The following BMP7 variants were observed in gnomAD, a reference collection of about 807,000 sequenced individuals.
The protein encoded by BMP7 is osteogenic protein 1.
BMP7 carries 12 observed loss-of-function variants against 41.2 expected under a neutral mutation model. The ratio of observed to expected loss-of-function variants is 0.29; its 90% CI spans 0.19 to 0.47. The LOEUF is 0.47. Among genes scored for constraint, BMP7 ranks in the 20% least tolerant of loss-of-function variants. The pLI, the probability that BMP7 is intolerant of heterozygous loss-of-function variation, is 0.99. For synonymous variants in BMP7, 248 were observed against 250.0 expected (o/e 0.99, Z 0.07); for missense variants, 467 against 606.0 (o/e 0.77, Z 2.41).
chr20:57,228,134 G>A lies in BMP7; in HGVS notation c.611+95C>T. On this transcript the variant is annotated intron_variant, in intron 2 of 6. Coordinates refer to ENST00000395863, the MANE Select transcript of BMP7 (RefSeq NM_001719.3). The surrounding 1 kb of genome is among the most constrained non-coding windows in gnomAD (Gnocchi z 4.5). ...CTGGTACAGGGCCTGGCACGTGGTT[G>A]TGCCAATCTGACCCATCCTCTGGCC... 7.2e-7 allele frequency: 1 copy of A among 1,380,956 alleles called. No homozygotes were observed. Among genetic ancestry groups the A allele is most frequent in the Middle Eastern group, 2.5e-4 (1 of 4,008 alleles). 85.5% of individuals were successfully genotyped at this position (1,380,956 alleles called of 1,614,324 possible).
At chr20:57,247,188 C>T (rs1240960420) in intron 1 of BMP7, among the ~76,000 whole-genome samples, 2 of 152,170 alleles carry the variant, frequency 1.3e-5, no homozygotes, top group African/African-American at 4.8e-5. Flanking sequence ...CCCTCTAGAC[C>T]CAACTGATTC....
At chr20:57,231,552 G>A (rs2066029539) in intron 1 of BMP7, among the ~76,000 whole-genome samples, 1 of 152,272 alleles carries the variant, frequency 6.6e-6, no homozygotes, top group South Asian at 2.1e-4. Flanking sequence ...ATGGCTTCTC[G>A]AGTGCTTTTC....
In BMP7 at chr20:57,173,280, C is replaced by T. The variant is rs749392235; in HGVS notation, c.1066G>A (p.Ala356Thr). The T allele has an allele frequency of 8.1e-6, 13 of 1,614,014 alleles. No individual in the cohort carries two copies. Among genetic ancestry groups the T allele is most frequent in the African/African-American group, 4.0e-5 (3 of 74,928 alleles). ...GCACACTCCCCCTCACAGTAGTAGGCGGCGTAGCCTTCAGGCGCGATGATC... is the reference window on the plus strand; with the variant it reads ...GCACACTCCCCCTCACAGTAGTAGGTGGCGTAGCCTTCAGGCGCGATGATC... ...DWIIAPEGYA[A>T]YYCEGECAFP... Residue 356 changes from alanine to threonine, a missense_variant, in exon 6 of 7, where the codon GCC becomes ACC. By Grantham distance (58) the Ala-to-Thr change is moderately conservative. This residue lies in a region of BMP7 where 60 missense variants were observed against 120.1 expected (regional missense o/e 0.50). Transcript: ENST00000395863.
intron 3 of BMP7, among the ~76,000 whole-genome samples, chr20:57,196,695 T>C (rs1228315045): frequency 2.6e-5 from 4 of 152,114 alleles, no homozygotes; most frequent in African/African-American, 9.7e-5. Flanking sequence ...ACATGAACTT[T>C]TAGTGTCTAA....
At chr20:57,210,015 G>C (rs1245878440) in intron 2 of BMP7, among the ~76,000 whole-genome samples, 1 of 152,172 alleles carries the variant, frequency 6.6e-6, no homozygotes, top group African/African-American at 2.4e-5. Context: ...AAAGGCAGCA[G>C]AGCCAGGGGA....
At chr20:57,192,974 C>T (rs1984408834) in intron 3 of BMP7, among the ~76,000 whole-genome samples, 1 of 152,124 alleles carries the variant, frequency 6.6e-6, no homozygotes, top group South Asian at 2.1e-4. Context: ...CTGCAGGCTG[C>T]AGCTGCCAGG....
intron 1 of BMP7, among the ~76,000 whole-genome samples, chr20:57,241,942 G>A (rs1600640326): frequency 6.6e-6 from 1 of 152,154 alleles, no homozygotes; most frequent in Non-Finnish European, 1.5e-5. Context: ...TGCCTAAAAA[G>A]ACCCAGATGC....
intron 3 of BMP7, among the ~76,000 whole-genome samples, chr20:57,185,514 G>T (rs1026888608): frequency 2.0e-5 from 3 of 152,242 alleles, no homozygotes; most frequent in Non-Finnish European, 2.9e-5. Flanking sequence ...GGGAAACTGA[G>T]GCAATGGAGC....
chr20:57,185,580 G>A (rs1984191158), intron 3 of BMP7, among the ~76,000 whole-genome samples: 1 of 152,242 alleles, frequency 6.6e-6, no homozygotes, highest in Admixed American at 6.5e-5. Flanking sequence ...AGCAGATATT[G>A]TATGAAATCC....
chr20:57,250,036 C>T (rs565816632), intron 1 of BMP7, among the ~76,000 whole-genome samples: 19 of 152,192 alleles, frequency 1.2e-4, no homozygotes, highest in African/African-American at 3.1e-4. Context: ...CAAAGCTCGG[C>T]GAGTAATTTG....
intron 4 of BMP7, among the ~76,000 whole-genome samples, chr20:57,178,539 G>A (rs545915113): frequency 5.9e-5 from 9 of 152,152 alleles, no homozygotes; most frequent in African/African-American, 1.9e-4. Context: ...GGAAGGTCAA[G>A]GTCAAGGAAC....
chr20:57,177,790 T>A (rs1983966975), intron 4 of BMP7: 1 of 152,198 alleles, frequency 6.6e-6, no homozygotes, highest in African/African-American at 2.4e-5. Flanking sequence ...TGCTGAAGGC[T>A]GGGGCGGGGC....
At chr20:57,233,167 C>T (rs2066035371) in intron 1 of BMP7, among the ~76,000 whole-genome samples, 1 of 152,116 alleles carries the variant, frequency 6.6e-6, no homozygotes, top group African/African-American at 2.4e-5. Flanking sequence ...GAGTTGACAT[C>T]TCCCCATGCC....
rs1441349199 is a variant in BMP7, at chr20:57,224,116, A to C, written c.611+4113T>G. On this transcript the variant is annotated intron_variant, in intron 2 of 6. Coordinates refer to ENST00000395863, the MANE Select transcript of BMP7 (RefSeq NM_001719.3). This position sits in a 1 kb window ranked among gnomAD's most constrained non-coding sequence, Gnocchi z 4.8. ...AAGAGCCTCTGCCTGGGCTGAAGGGACCCAGGAAACTGAGCCCAGGCCTCC... is the reference window on the plus strand; with the variant it reads ...AAGAGCCTCTGCCTGGGCTGAAGGGCCCCAGGAAACTGAGCCCAGGCCTCC... 1.3e-5 allele frequency among the ~76,000 whole-genome samples: 2 copies of C among 152,116 alleles called. No homozygotes were observed. The highest frequency in any genetic ancestry group is 2.9e-5 in the Non-Finnish European group (2 of 68,000).
chr20:57,179,681 T>G (rs554781046), intron 4 of BMP7, among the ~76,000 whole-genome samples: 173 of 152,298 alleles, frequency 1.1e-3, no homozygotes, highest in Non-Finnish European at 2.1e-3. Flanking sequence ...GGACGAGCGA[T>G]TCAAAGGGGC....
intron 2 of BMP7, among the ~76,000 whole-genome samples, chr20:57,205,654 T>G (rs1984713078): frequency 6.6e-6 from 1 of 152,096 alleles, no homozygotes; most frequent in African/African-American, 2.4e-5. Flanking sequence ...AGCAGGAAAA[T>G]GTGACCAGAT....
rs1984943306 is a variant in BMP7, at chr20:57,213,612, A to G, written c.612-10989T>C. On this transcript the variant is annotated intron_variant, in intron 2 of 6. Transcript: ENST00000395863. The surrounding 1 kb of genome is among the most constrained non-coding windows in gnomAD (Gnocchi z 4.4). ...GGGGGTCAAGAGGGAAGAGAAATAC[A>G]GCGACAAATGGAAGGCTCTCCCTCA... Among the ~76,000 whole-genome samples, 1 of 152,184 alleles carries G rather than the reference A, an allele frequency of 6.6e-6. No homozygotes were observed. Among genetic ancestry groups the G allele is most frequent in the Non-Finnish European group, 1.5e-5 (1 of 68,032 alleles).
At chr20:57,229,011 T>C (rs1288479705) in intron 1 of BMP7, among the ~76,000 whole-genome samples, 4 of 152,154 alleles carry the variant, frequency 2.6e-5, no homozygotes, top group Non-Finnish European at 5.9e-5. Context: ...CACATGAAAA[T>C]CACTGTGGAA....
intron 6 of BMP7, among the ~76,000 whole-genome samples, chr20:57,172,727 C>A (rs967141926): frequency 1.3e-5 from 2 of 152,216 alleles, no homozygotes; most frequent in Non-Finnish European, 2.9e-5. Flanking sequence ...ATGGAATCTT[C>A]CTGGTGACCC....
Sources: allele counts gnomAD v4.1 joint callset (sites outside exome capture counted in the v4.1 genomes callset), GRCh38; gene constraint gnomAD v4.1.1; regional missense constraint gnomAD v4.1.1; non-coding constraint Gnocchi (gnomAD v3.1); transcripts MANE v1.5; gene names NCBI Gene and HGNC (gene_info 2026-07-23, HGNC 2026-07-21).